Variants in PCDHGA3 observed in about 807,000 individuals in gnomAD.
PCDHGA3 encodes the protein protocadherin gamma subfamily A, 3.
PCDHGA3 carries 40 observed loss-of-function variants against 58.5 expected under a neutral mutation model. The ratio of observed to expected loss-of-function variants is 0.68; its 90% confidence interval spans 0.53 to 0.89. PCDHGA3 has a LOEUF of 0.89. PCDHGA3 is among the 40% of genes least tolerant of loss of function. The pLI is 0.00. For missense variants in PCDHGA3, 1,223 were observed against 1,195.9 expected (o/e 1.02, Z -0.33); for synonymous variants, 530 against 525.7 (o/e 1.01, Z -0.11).
chr5:141,412,940 T>C, intron 1 of PCDHGA3: 1 of 463,218 alleles, frequency 2.2e-6, no homozygotes, highest in Non-Finnish European at 3.8e-6. Flanking sequence ...CTTAGGACTC[T>C]GAGCGCCGCT....
chr5:141,422,587 CCTCA>C, intron 1 of PCDHGA3: 1 of 1,614,032 alleles, frequency 6.2e-7, no homozygotes, highest in Non-Finnish European at 8.5e-7. Context: ...TCCCGTTTTT[CCTCA>C]CTCCTCTTAC....
chr5:141,357,324 C>T (rs1234132409), intron 1 of PCDHGA3: 1 of 1,613,980 alleles, frequency 6.2e-7, no homozygotes, highest in African/African-American at 1.3e-5. Context: ...TGGCTTTTGT[C>T]ACGGTGCTGC....
At position 141,362,194 on chromosome 5, in the gene PCDHGA3, A is replaced by G. The variant is rs57735633; in HGVS notation, c.2424+15737A>G. Reference sequence around the variant, plus strand: ...CCGGGAGCCCTCTGACCCCCAGGCAAAACTGCAGTTTTACCTGGTTGTGGC... The same window carrying G: ...CCGGGAGCCCTCTGACCCCCAGGCAGAACTGCAGTTTTACCTGGTTGTGGC... On this transcript the variant is annotated intron_variant, in intron 1 of 3. Transcript: ENST00000253812. 152,892 of 1,613,780 alleles carry G rather than the reference A, an allele frequency of 0.095. 8,939 individuals are homozygous for G. Among genetic ancestry groups the G allele is most frequent in the African/African-American group, 0.29 (21,446 of 74,936 alleles).
intron 1 of PCDHGA3, chr5:141,361,539 C>G (rs754978831): frequency 3.1e-6 from 5 of 1,614,028 alleles, no homozygotes; most frequent in Non-Finnish European, 4.2e-6. Flanking sequence ...ATCCTCCTGG[C>G]GCCTCTATCG....
chr5:141,417,910 A>G (rs1339671115), intron 1 of PCDHGA3: 2 of 1,599,246 alleles, frequency 1.3e-6, no homozygotes, highest in East Asian at 2.3e-5. Flanking sequence ...GGCAGGTACT[A>G]TTTCCTTTGC....
intron 1 of PCDHGA3, chr5:141,423,189 T>A (rs2096719374): frequency 1.2e-6 from 2 of 1,613,562 alleles, no homozygotes; most frequent in Non-Finnish European, 8.5e-7. Flanking sequence ...GCCAGCCCCC[T>A]CTCTCGGCCA....
chr5:141,386,593 A>G (rs1350788918), intron 1 of PCDHGA3, among the ~76,000 whole-genome samples: 3 of 151,446 alleles, frequency 2.0e-5, no homozygotes, highest in African/African-American at 7.3e-5. Context: ...TGTGGGGGAT[A>G]CATTTTTTTT....
Position 141,477,685 on chromosome 5 carries a change from G to A in PCDHGA3, c.2425-17122G>A, listed in dbSNP as rs1218415502. ...ACAATGGCATAGTGTCATCCTTAGT[G>A]CCCCTAGACTATGAGGATCGGCGGG... On this transcript the variant is annotated intron_variant, in intron 1 of 3. Transcript: ENST00000253812. This position sits in a 1 kb window ranked among gnomAD's most constrained non-coding sequence, Gnocchi z 4.9. The A allele has an allele frequency of 6.2e-7, 1 of 1,614,116 alleles. No individual in the cohort carries two copies. The highest frequency in any genetic ancestry group is 8.5e-7 in the Non-Finnish European group (1 of 1,180,040).
chr5:141,450,179 A>G (rs1472867634), intron 1 of PCDHGA3, among the ~76,000 whole-genome samples: 1 of 151,100 alleles, frequency 6.6e-6, no homozygotes, highest in African/African-American at 2.4e-5. Flanking sequence ...CACCACACCC[A>G]GCTAATTTTT....
intron 1 of PCDHGA3, chr5:141,364,578 G>A (rs1168883805): frequency 1.2e-6 from 2 of 1,614,212 alleles, no homozygotes. Flanking sequence ...CGAAGCGGCA[G>A]CTTGGTCACC....
chr5:141,364,635 G>T, intron 1 of PCDHGA3: 1 of 1,614,158 alleles, frequency 6.2e-7, no homozygotes, highest in South Asian at 1.1e-5. Context: ...AGCCCACTGT[G>T]TGTGGTGAAC....
chr5:141,357,569 C>T lies in PCDHGA3; in HGVS notation c.2424+11112C>T, dbSNP rs755555398. On this transcript the variant is annotated intron_variant, in intron 1 of 3. Coordinates refer to ENST00000253812, the MANE Select transcript of PCDHGA3 (RefSeq NM_018916.4). ...CGGGAGAGTTGTGAGAAAAGCGAGCCTCTTCTGATAACTCAGGATTTACTT... is the reference window on the plus strand; with the variant it reads ...CGGGAGAGTTGTGAGAAAAGCGAGCTTCTTCTGATAACTCAGGATTTACTT... 60 of 1,614,090 alleles carry T rather than the reference C, an allele frequency of 3.7e-5. No individual in the cohort carries two copies. Among genetic ancestry groups the T allele is most frequent in the Non-Finnish European group, 4.7e-5 (56 of 1,180,048 alleles).
At chr5:141,411,846 T>C (rs962000304) in intron 1 of PCDHGA3, 1 of 151,734 alleles carries the variant, frequency 6.6e-6, no homozygotes, top group African/African-American at 2.4e-5. Context: ...GGTGACAGAG[T>C]GAGACCCTGT....
intron 1 of PCDHGA3, chr5:141,389,391 G>A (rs544096177): frequency 1.2e-6 from 2 of 1,613,686 alleles, no homozygotes; most frequent in East Asian, 2.2e-5. Flanking sequence ...GTCATCCTAC[G>A]TGTCCATAAG....
At chr5:141,408,156 T>G (rs1270401832) in intron 1 of PCDHGA3, 2 of 1,512,436 alleles carry the variant, frequency 1.3e-6, no homozygotes, top group East Asian at 2.5e-5. Flanking sequence ...TAGAGTGCAC[T>G]TTCTCCAACT....
rs1025148587 is a variant in PCDHGA3 at position 141,431,434 on chromosome 5, C to A, written c.2425-63373C>A. ...GGGGCGACCCGGTGCGCACAGGCAC[C>A]GCGCGCATCCGCGTGATGGTTCTGG... On this transcript the variant is annotated intron_variant, in intron 1 of 3. Transcript: ENST00000253812. This position sits in a 1 kb window ranked among gnomAD's most constrained non-coding sequence, Gnocchi z 4.8. 1.2e-6 allele frequency: 2 copies of A among 1,613,690 alleles called. No homozygotes were observed. Among genetic ancestry groups the A allele is most frequent in the Admixed American group, 1.7e-5 (1 of 60,014 alleles).
chr5:141,363,581 A>G (rs1484863484), intron 1 of PCDHGA3, among the ~76,000 whole-genome samples: 2 of 152,266 alleles, frequency 1.3e-5, no homozygotes, highest in Non-Finnish European at 2.9e-5. Flanking sequence ...AAAAATGCAT[A>G]GTTAACCCAA....
Position 141,345,486 on chromosome 5 carries a change from G to C in PCDHGA3, c.1453G>C (p.Ala485Pro). The part of the protein sequence containing the change: ...TAQDPDSNNN[A>P]RITYALTEDT... The stretch of plus-strand genomic sequence containing the variant: ...CCAGGACCCAGATAGCAACAACAAC[G>C]CCCGCATCACTTATGCATTGACCGA... Residue 485 changes from alanine to proline, a missense_variant, in exon 1 of 4, where the codon GCC (alanine) becomes CCC (proline). Transcript: ENST00000253812. 1.2e-6 allele frequency: 2 copies of C among 1,614,008 alleles called. No individual in the cohort carries two copies. Among genetic ancestry groups the C allele is most frequent in the South Asian group, 1.1e-5 (1 of 91,062 alleles).
chr5:141,384,352 G>T, intron 1 of PCDHGA3: 1 of 1,613,842 alleles, frequency 6.2e-7, no homozygotes, highest in Non-Finnish European at 8.5e-7. Flanking sequence ...TGAGGATAAT[G>T]CCCAGATCAC....
Sources: allele counts gnomAD v4.1 joint callset (sites outside exome capture counted in the v4.1 genomes callset), GRCh38; gene constraint gnomAD v4.1.1; non-coding constraint Gnocchi (gnomAD v3.1); transcripts MANE v1.5; gene names NCBI Gene and HGNC (gene_info 2026-07-23, HGNC 2026-07-21).